STK4: variants seen among roughly 807,000 people sequenced by gnomAD.
STK4 encodes the protein serine/threonine kinase 4.
In STK4, 30 loss-of-function variants were observed where a neutral mutation model predicts 64.9. The observed-to-expected ratio is 0.46, with a 90% CI of 0.35 to 0.63. The LOEUF is 0.63. Ranked by LOEUF, STK4 falls within the 20% of genes least tolerant of loss-of-function variation. The pLI is 0.01. For synonymous variants in STK4, 177 were observed against 199.0 expected (o/e 0.89, Z 0.93); for missense variants, 466 against 598.5 (o/e 0.78, Z 2.31).
At chr20:45,018,412 G>A (rs2068182477) in intron 9 of STK4, among the ~76,000 whole-genome samples, 1 of 152,152 alleles carries the variant, frequency 6.6e-6, no homozygotes, top group Non-Finnish European at 1.5e-5. Flanking sequence ...TGAAATTGAA[G>A]GTCATGAAGT....
chr20:45,013,019 G>A (rs2068082401), intron 9 of STK4, among the ~76,000 whole-genome samples: 1 of 136,104 alleles, frequency 7.3e-6, no homozygotes, highest in Non-Finnish European at 1.5e-5. Context: ...GGCTGGTCTG[G>A]AACTCCTGGG....
Position 45,025,250 on chromosome 20 carries a change from C to G in STK4, c.1305+120C>G. ...TCTCCTAAACCATCCCTGACAGTGT[C>G]TACTGAGCTGAAGGACAGTATTTTG... On this transcript the variant is annotated intron_variant, in intron 10 of 10. Transcript: ENST00000372806. 9 of 1,172,182 alleles carry G rather than the reference C, an allele frequency of 7.7e-6. No homozygotes were observed. The South Asian group carries it at 1.8e-4, about 23-fold the overall frequency. The allele number at this position is 1,172,182 out of a possible 1,614,324, so 72.6% of individuals were successfully genotyped here.
At chr20:45,000,255 G>A in intron 7 of STK4, 137 bp from the exon 8 acceptor site, 3 of 1,187,656 alleles carry the variant, frequency 2.5e-6, no homozygotes, top group Non-Finnish European at 3.5e-6. Flanking sequence ...TTTAGCTGTT[G>A]TCCGAAGCAC....
chr20:45,033,856 A>G (rs1600511468), intron 10 of STK4, among the ~76,000 whole-genome samples: 2 of 152,190 alleles, frequency 1.3e-5, no homozygotes, highest in Non-Finnish European at 2.9e-5. Flanking sequence ...CTGGGATTAC[A>G]GGTGTGAGCC....
intron 9 of STK4, among the ~76,000 whole-genome samples, chr20:45,023,446 A>G (rs1328288369): frequency 6.6e-6 from 1 of 152,174 alleles, no homozygotes; most frequent in Non-Finnish European, 1.5e-5. Context: ...GCTGTTCTTT[A>G]TCTTCTAGAT....
chr20:45,055,328 A>T (rs1028133060), intron 10 of STK4, among the ~76,000 whole-genome samples: 2 of 152,174 alleles, frequency 1.3e-5, no homozygotes, highest in Non-Finnish European at 2.9e-5. Flanking sequence ...CTTAGTAGTC[A>T]GTTTTGTTTG....
intron 7 of STK4, among the ~76,000 whole-genome samples, chr20:44,998,619 A>G (rs1158355471): frequency 6.6e-6 from 1 of 152,178 alleles, no homozygotes; most frequent in Non-Finnish European, 1.5e-5. Flanking sequence ...AAGAATCAAT[A>G]TTGTCTATGA....
At chr20:45,052,335 G>GTT (rs2068789714) in intron 10 of STK4, among the ~76,000 whole-genome samples, 1 of 151,956 alleles carries the variant, frequency 6.6e-6, no homozygotes, top group Non-Finnish European at 1.5e-5. Flanking sequence ...TTAATACTTA[G>GTT]ATATTATTTT....
chr20:44,999,908 C>T (rs1343678594), intron 7 of STK4, among the ~76,000 whole-genome samples: 1 of 152,184 alleles, frequency 6.6e-6, no homozygotes, highest in South Asian at 2.1e-4. Context: ...GGCCTTTTTG[C>T]ATATCTCTTG....
intron 9 of STK4, among the ~76,000 whole-genome samples, chr20:45,008,237 T>G (rs1646624720): frequency 6.6e-6 from 1 of 152,166 alleles, no homozygotes; most frequent in Non-Finnish European, 1.5e-5. Flanking sequence ...GTATTTTTAG[T>G]AGAGACAGGG....
chr20:44,971,118 CACACACAT>C (rs1475160820), intron 1 of STK4, among the ~76,000 whole-genome samples: 13 of 136,186 alleles, frequency 9.5e-5, no homozygotes, highest in African/African-American at 3.0e-4. Flanking sequence ...CACACACACA[CACACACAT>C]ATTCCTTGGC....
intron 10 of STK4, among the ~76,000 whole-genome samples, chr20:45,042,636 A>G (rs2068631469): frequency 6.6e-6 from 1 of 152,170 alleles, no homozygotes; most frequent in African/African-American, 2.4e-5. Flanking sequence ...TGGAATGGAA[A>G]GCATGTTTCA....
At chr20:44,990,649 T>C (rs1050787732) in intron 5 of STK4, among the ~76,000 whole-genome samples, 3 of 152,134 alleles carry the variant, frequency 2.0e-5, no homozygotes, top group Non-Finnish European at 4.4e-5. Flanking sequence ...ATGTTAATGC[T>C]CATTTAATGT....
chr20:45,010,069 GTTTA>G (rs1183001415), intron 9 of STK4, among the ~76,000 whole-genome samples: 1 of 151,846 alleles, frequency 6.6e-6, no homozygotes, highest in Non-Finnish European at 1.5e-5. Context: ...TTATTTATTT[GTTTA>G]TTTATTTTTT....
chr20:44,993,464 A>C (rs773966071), intron 5 of STK4, among the ~76,000 whole-genome samples: 25 of 152,194 alleles, frequency 1.6e-4, no homozygotes, highest in Non-Finnish European at 3.7e-4. Flanking sequence ...TTTGACTATC[A>C]CCATTTGAAA....
At position 44,997,204 on chromosome 20, in the gene STK4, A is replaced by G; in HGVS notation, c.729A>G (p.Thr243=). Residue 243 remains threonine (T), a synonymous_variant, in exon 7 of 11, where the codon ACA becomes ACG. Transcript: ENST00000372806. The part of the protein sequence containing the change: ...IFMIPTNPPP[T]FRKPELWSDN... ...TGATTCCTACAAATCCTCCTCCCAC[A>G]TTCCGAAAACCAGAGCTATGGTCAG... 1 of 1,614,066 alleles carries G rather than the reference A, an allele frequency of 6.2e-7. No individual in the cohort carries two copies. The highest frequency in any genetic ancestry group is 1.7e-5 in the Admixed American group (1 of 60,018).
chr20:45,057,029 A>G (rs1310616824), intron 10 of STK4, among the ~76,000 whole-genome samples: 1 of 152,230 alleles, frequency 6.6e-6, no homozygotes, highest in African/African-American at 2.4e-5. Flanking sequence ...TCCGGTGGGT[A>G]GCAGGGTGTG....
chr20:45,066,205 C>T (rs1979561495), intron 10 of STK4, among the ~76,000 whole-genome samples: 1 of 151,864 alleles, frequency 6.6e-6, no homozygotes, highest in African/African-American at 2.4e-5. Flanking sequence ...CACACACACA[C>T]ACACACACAG....
At chr20:45,006,997 G>A (rs2067958358) in intron 9 of STK4, among the ~76,000 whole-genome samples, 1 of 152,116 alleles carries the variant, frequency 6.6e-6, no homozygotes, top group Non-Finnish European at 1.5e-5. Flanking sequence ...CCCGCTTTTG[G>A]CATCTGGAAG....
Sources: gnomAD v4.1 joint callset for allele counts (sites outside exome capture counted in the v4.1 genomes callset) on GRCh38, gnomAD v4.1.1 for gene constraint, MANE v1.5 for transcripts, NCBI Gene and HGNC (gene_info 2026-07-23, HGNC 2026-07-21) for gene names.